SKAP2: variants seen among roughly 807,000 people sequenced by gnomAD.
SKAP2 encodes the protein src kinase associated phosphoprotein 2.
In SKAP2, 28 loss-of-function variants were observed where a neutral mutation model predicts 54.9. The ratio of observed to expected loss-of-function variants is 0.51; its 90% confidence interval spans 0.38 to 0.70. SKAP2 has a LOEUF of 0.70. Ranked by LOEUF, SKAP2 falls within the 30% of genes least tolerant of loss-of-function variation. The pLI is 0.00. For missense variants in SKAP2, 356 were observed against 424.1 expected, an observed-to-expected ratio of 0.84 and a Z score of 1.41; for synonymous variants, 137 against 134.3, an observed-to-expected ratio of 1.02 and a Z score of -0.14.
intron 6 of SKAP2, among the ~76,000 whole-genome samples, chr7:26,731,277 G>T (rs1252890312): frequency 1.3e-5 from 2 of 152,154 alleles, no homozygotes; most frequent in African/African-American, 4.8e-5. Context: ...CACCCCAGGT[G>T]ATTTTGATAC....
intron 11 of SKAP2, among the ~76,000 whole-genome samples, chr7:26,676,122 TATATCA>T (rs1410113231): frequency 2.0e-5 from 3 of 152,214 alleles, no homozygotes; most frequent in African/African-American, 7.2e-5. Context: ...GTACTTAATA[TATATCA>T]ATAAGTCTAA....
At chr7:26,791,128 CAT>C (rs1289087051) in intron 4 of SKAP2, among the ~76,000 whole-genome samples, 7 of 152,062 alleles carry the variant, frequency 4.6e-5, no homozygotes, top group African/African-American at 1.4e-4. Context: ...GGTGAGGAGA[CAT>C]GTGTTGCTTC....
intron 10 of SKAP2, among the ~76,000 whole-genome samples, chr7:26,689,877 T>C (rs539755896): frequency 1.3e-5 from 2 of 152,324 alleles, no homozygotes; most frequent in South Asian, 4.1e-4. Context: ...AAGTCTGTTC[T>C]GCTCAAGCAC....
chr7:26,806,415 T>TA (rs1784025198), intron 4 of SKAP2, among the ~76,000 whole-genome samples: 1 of 152,008 alleles, frequency 6.6e-6, no homozygotes, highest in Non-Finnish European at 1.5e-5. Context: ...CAAATCAATA[T>TA]AAAAAATATA....
intron 4 of SKAP2, among the ~76,000 whole-genome samples, chr7:26,776,729 T>C (rs1651539421): frequency 6.6e-6 from 1 of 152,190 alleles, no homozygotes; most frequent in South Asian, 2.1e-4. Flanking sequence ...TTCAAGGCCA[T>C]TCTCCATACT....
chr7:26,656,141 A>G, the SKAP2 span, among the ~76,000 whole-genome samples: 1 of 152,180 alleles, frequency 6.6e-6, no homozygotes, highest in Admixed American at 6.5e-5. Context: ...AAATGCCGCA[A>G]TTTACTGCTG....
Position 26,844,140 on chromosome 7 carries a change from G to GC in SKAP2, c.200-4_200-3insG. On this transcript the variant is annotated splice_region_variant and splice_polypyrimidine_tract_variant and intron_variant, in intron 3 of 12. Coordinates refer to ENST00000345317, the MANE Select transcript of SKAP2 (RefSeq NM_003930.5). ...TTCTTCCCCATCTTCTGCATCACCT[G>GC]TTAAAAAAAAAAAAAATCAGAGAAC... 1 of 1,470,178 alleles carries GC rather than the reference G, an allele frequency of 6.8e-7. No homozygotes were observed. The highest frequency in any genetic ancestry group is 1.9e-5 in the Admixed American group (1 of 52,800). 91.1% of individuals were successfully genotyped at this position (1,470,178 alleles called of 1,614,324 possible).
At chr7:26,805,028 A>T (rs1290869239) in intron 4 of SKAP2, among the ~76,000 whole-genome samples, 1 of 152,136 alleles carries the variant, frequency 6.6e-6, no homozygotes, top group African/African-American at 2.4e-5. Context: ...ATGTCTCTAG[A>T]CAGATAATAT....
intron 4 of SKAP2, among the ~76,000 whole-genome samples, chr7:26,741,254 T>C (rs114438798): frequency 0.011 from 1,622 of 152,006 alleles, 29 homozygotes; most frequent in African/African-American, 0.038. Context: ...CAATGGCTCA[T>C]GCCTACAATC....
At chr7:26,846,174 A>G (rs1784917336) in intron 3 of SKAP2, among the ~76,000 whole-genome samples, 1 of 152,168 alleles carries the variant, frequency 6.6e-6, no homozygotes, top group Non-Finnish European at 1.5e-5. Flanking sequence ...CACACAAAAA[A>G]AATCTTGCTG....
intron 4 of SKAP2, among the ~76,000 whole-genome samples, chr7:26,818,916 G>T (rs1270023031): frequency 6.6e-6 from 1 of 152,154 alleles, no homozygotes; most frequent in Admixed American, 6.5e-5. Context: ...AAAAAGTCAG[G>T]AAACGACAGA....
intron 4 of SKAP2, among the ~76,000 whole-genome samples, chr7:26,799,499 C>G (rs960561105): frequency 1.4e-4 from 22 of 152,134 alleles, no homozygotes; most frequent in Non-Finnish European, 1.5e-4. Context: ...GTCAATTCAG[C>G]AAGAGGATTT....
At chr7:26,685,808 T>G (rs1312689063) in intron 10 of SKAP2, among the ~76,000 whole-genome samples, 12 of 152,204 alleles carry the variant, frequency 7.9e-5, no homozygotes, top group Admixed American at 7.9e-4. Context: ...TGTTTTCAAT[T>G]TCATGATAAT....
At chr7:26,714,682 A>C (rs1334767901) in intron 9 of SKAP2, among the ~76,000 whole-genome samples, 3 of 152,224 alleles carry the variant, frequency 2.0e-5, no homozygotes, top group Admixed American at 2.0e-4. Context: ...CCTATCTGCA[A>C]AAATAGTGAA....
At chr7:26,663,835 A>T (rs984372800), downstream of SKAP2, among the ~76,000 whole-genome samples, 9 of 152,048 alleles carry the variant, frequency 5.9e-5, no homozygotes, top group African/African-American at 1.9e-4. Context: ...TGCTGCTTTG[A>T]TTGACTTCCT....
intron 4 of SKAP2, among the ~76,000 whole-genome samples, chr7:26,795,540 C>G (rs148307522): frequency 1.3e-5 from 2 of 152,076 alleles, no homozygotes; most frequent in Non-Finnish European, 2.9e-5. Flanking sequence ...TAGCAAGATA[C>G]GATTCTCAGC....
chr7:26,711,231 T>C (rs1787295368), intron 9 of SKAP2, among the ~76,000 whole-genome samples: 2 of 152,170 alleles, frequency 1.3e-5, no homozygotes, highest in Non-Finnish European at 2.9e-5. Context: ...CCAAGATATA[T>C]AGTAATACAT....
At chr7:26,763,078 ATGT>A (rs1192886534) in intron 4 of SKAP2, among the ~76,000 whole-genome samples, 6 of 152,186 alleles carry the variant, frequency 3.9e-5, no homozygotes, top group Non-Finnish European at 1.5e-5. Flanking sequence ...TCTGAAGAAA[ATGT>A]TGTCTTCAAG....
At chr7:26,826,652 A>G (rs1459652313) in intron 4 of SKAP2, among the ~76,000 whole-genome samples, 3 of 152,186 alleles carry the variant, frequency 2.0e-5, no homozygotes, top group African/African-American at 7.2e-5. Context: ...TATTCCCACC[A>G]TAATTACCGT....
Sources: gnomAD v4.1 joint callset for allele counts (sites outside exome capture counted in the v4.1 genomes callset) on GRCh38, gnomAD v4.1.1 for gene constraint, MANE v1.5 for transcripts, NCBI Gene and HGNC (gene_info 2026-07-23, HGNC 2026-07-21) for gene names.